The following NAV3 variants were observed in gnomAD, a reference collection of about 807,000 sequenced individuals.
NAV3 encodes the protein pore membrane and/or filament interacting like protein 1.
Under a neutral mutation model 244.7 loss-of-function variants are expected in NAV3, and 87 were observed. That is an observed-to-expected ratio of 0.36 (90% CI 0.30 to 0.42). The LOEUF is 0.42. NAV3 is among the 20% of genes least tolerant of loss of function. NAV3 has a pLI of 1.00. For synonymous variants in NAV3, 1,126 were observed against 1,042.2 expected, an observed-to-expected ratio of 1.08 and a Z score of -1.55; for missense variants, 2,663 against 2,893.3, an observed-to-expected ratio of 0.92 and a Z score of 1.83.
At chr12:77,596,520 A>G (rs1010486955) in intron 2 of NAV3, among the ~76,000 whole-genome samples, 1 of 152,148 alleles carries the variant, frequency 6.6e-6, no homozygotes, top group African/African-American at 2.4e-5. Context: ...TTTATTTTTG[A>G]TAATCACATG....
chr12:77,645,117 G>C (rs1402630250), intron 2 of NAV3, among the ~76,000 whole-genome samples: 2 of 152,054 alleles, frequency 1.3e-5, no homozygotes, highest in African/African-American at 2.4e-5. Flanking sequence ...TGGGATCTCA[G>C]CTTCTCAGCT....
At chr12:77,797,654 A>C (rs1871488959) in intron 2 of NAV3, among the ~76,000 whole-genome samples, 1 of 150,398 alleles carries the variant, frequency 6.6e-6, no homozygotes, top group South Asian at 2.1e-4. Flanking sequence ...CAGCCTGGCC[A>C]ATATGGTGAA....
chr12:77,866,704 T>C lies in NAV3; in HGVS notation c.243+35000T>C, dbSNP rs145847014. On this transcript the variant is annotated intron_variant, in intron 1 of 39. Transcript: ENST00000397909. Reference sequence around the variant, plus strand: ...GTTTGAAGCATGAATGAATGGTATATCGTAACTGTATATTGTTCTTGTATA... The same window carrying C: ...GTTTGAAGCATGAATGAATGGTATACCGTAACTGTATATTGTTCTTGTATA... 1.6e-3 allele frequency among the ~76,000 whole-genome samples: 247 copies of C among 152,304 alleles called. 2 individuals carry two copies. Among genetic ancestry groups the C allele is most frequent in the African/African-American group, 5.1e-3 (213 of 41,564 alleles).
intron 12 of NAV3, among the ~76,000 whole-genome samples, chr12:78,061,335 G>C (rs927092242): frequency 4.6e-5 from 7 of 152,118 alleles, no homozygotes; most frequent in African/African-American, 1.7e-4. Context: ...TATTAGCTGT[G>C]TTCTGTCAAG....
intron 2 of NAV3, among the ~76,000 whole-genome samples, chr12:77,745,857 A>G (rs1027420185): frequency 6.6e-6 from 1 of 152,006 alleles, no homozygotes; most frequent in African/African-American, 2.4e-5. Context: ...TAAATGGAAT[A>G]ACAGTGAACT....
intron 2 of NAV3, among the ~76,000 whole-genome samples, chr12:77,627,240 T>C (rs142100245): frequency 1.7e-3 from 260 of 152,264 alleles, no homozygotes; most frequent in African/African-American, 6.0e-3. Context: ...GGAACAACTA[T>C]AGTTACATCA....
rs376759046 is a variant in NAV3 at position 78,022,506 on chromosome 12, C to T, written c.2023+644C>T. Among the ~76,000 whole-genome samples the T allele has an allele frequency of 2.2e-4, 33 of 151,876 alleles. No homozygotes were observed. The East Asian group carries it at 2.5e-3, about 12-fold the overall frequency. On this transcript the variant is annotated intron_variant, in intron 9 of 39. Coordinates refer to ENST00000397909, the MANE Select transcript of NAV3 (RefSeq NM_001024383.2). ...TAACCTCCTAGCAAAATATATTGCC[C>T]CTAAAGGGTGAGAGAGTACAGAGTA...
chr12:78,181,156 C>A (rs1958482690), intron 30 of NAV3, 111 bp downstream of exon 30: 1 of 945,608 alleles, frequency 1.1e-6, no homozygotes, highest in Admixed American at 2.6e-5. Context: ...CACTCTAATT[C>A]TCAGAAATAG....
intron 1 of NAV3, among the ~76,000 whole-genome samples, chr12:77,879,659 C>A (rs1049673841): frequency 9.1e-5 from 10 of 109,622 alleles, no homozygotes; most frequent in Admixed American, 1.3e-4. Flanking sequence ...ATAGCCTTGG[C>A]GAAAGAGCGA....
At chr12:78,185,720 C>T (rs1056052006) in intron 31 of NAV3, 22 bp downstream of exon 31, 1 of 1,572,942 alleles carries the variant, frequency 6.4e-7, no homozygotes, top group South Asian at 1.1e-5. Flanking sequence ...ATCTTAAACT[C>T]TTTATTACTA....
At chr12:78,094,072 T>G (rs918936079) in intron 12 of NAV3, among the ~76,000 whole-genome samples, 2 of 152,210 alleles carry the variant, frequency 1.3e-5, no homozygotes. Flanking sequence ...ACTTCTGGCC[T>G]CAAGCAATCG....
At chr12:77,734,602 C>T (rs149787367) in intron 2 of NAV3, among the ~76,000 whole-genome samples, 21 of 152,234 alleles carry the variant, frequency 1.4e-4, no homozygotes, top group African/African-American at 5.1e-4. Flanking sequence ...GATCTACAAC[C>T]TGGCCTCAAA....
chr12:77,849,470 C>G (rs905569991), intron 1 of NAV3, among the ~76,000 whole-genome samples: 1 of 152,080 alleles, frequency 6.6e-6, no homozygotes, highest in South Asian at 2.1e-4. Context: ...CAACATGACA[C>G]CACACATGGA....
At chr12:77,957,267 C>A (rs1340287947) in intron 3 of NAV3, among the ~76,000 whole-genome samples, 1 of 152,134 alleles carries the variant, frequency 6.6e-6, no homozygotes, top group African/African-American at 2.4e-5. Flanking sequence ...ATTTTTATAT[C>A]CCTTCACCAT....
At chr12:77,597,697 T>C (rs1870234229) in intron 2 of NAV3, among the ~76,000 whole-genome samples, 1 of 152,068 alleles carries the variant, frequency 6.6e-6, no homozygotes, top group Non-Finnish European at 1.5e-5. Flanking sequence ...TTCCAGTTTT[T>C]GCTCTCTAGT....
At chr12:77,867,439 A>T (rs937541287) in intron 1 of NAV3, among the ~76,000 whole-genome samples, 3 of 151,720 alleles carry the variant, frequency 2.0e-5, no homozygotes, top group African/African-American at 4.9e-5. Flanking sequence ...TTTGTTTTTG[A>T]GACGGAGTCT....
intron 12 of NAV3, among the ~76,000 whole-genome samples, chr12:78,075,582 A>G (rs1340933310): frequency 6.6e-6 from 1 of 152,180 alleles, no homozygotes; most frequent in Non-Finnish European, 1.5e-5. Context: ...CAATGCAAAG[A>G]TGGACTAGCA....
chr12:77,632,801 T>C (rs1004632097), intron 2 of NAV3, among the ~76,000 whole-genome samples: 2 of 152,092 alleles, frequency 1.3e-5, no homozygotes, highest in African/African-American at 4.8e-5. Flanking sequence ...TATATGTATA[T>C]TGATTTTTAA....
At chr12:77,762,793 T>C (rs912558991) in intron 2 of NAV3, among the ~76,000 whole-genome samples, 1 of 152,010 alleles carries the variant, frequency 6.6e-6, no homozygotes, top group Non-Finnish European at 1.5e-5. Context: ...TTTTCCATTG[T>C]GAGAAAAAGG....
Sources: allele counts gnomAD v4.1 joint callset (sites outside exome capture counted in the v4.1 genomes callset), GRCh38; gene constraint gnomAD v4.1.1; transcripts MANE v1.5; gene names NCBI Gene and HGNC (gene_info 2026-07-23, HGNC 2026-07-21).